The following SLC13A3 variants were observed in gnomAD, a reference collection of about 807,000 sequenced individuals.
SLC13A3 encodes solute carrier family 13 member 3, also known as Na(+)/dicarboxylate cotransporter 3.
A neutral mutation model predicts 59.0 loss-of-function variants in SLC13A3; 40 were observed. That is an observed-to-expected ratio of 0.68 (90% confidence interval 0.53 to 0.88). The LOEUF is 0.88. Ranked by LOEUF, SLC13A3 falls within the 40% of genes least tolerant of loss-of-function variation. SLC13A3 has a pLI of 0.00. For missense variants in SLC13A3, 699 were observed against 783.2 expected, an observed-to-expected ratio of 0.89 and a Z score of 1.28; for synonymous variants, 317 against 330.3, an observed-to-expected ratio of 0.96 and a Z score of 0.44.
At chr20:46,591,560 C>T (rs138271344) in intron 6 of SLC13A3, among the ~76,000 whole-genome samples, 8 of 152,258 alleles carry the variant, frequency 5.3e-5, no homozygotes, top group East Asian at 3.9e-4. Context: ...GCTCTTTCTT[C>T]GTTTAGAGGT....
intron 4 of SLC13A3, among the ~76,000 whole-genome samples, chr20:46,597,060 A>T (rs1302407241): frequency 1.3e-5 from 2 of 152,160 alleles, no homozygotes; most frequent in African/African-American, 2.4e-5. Context: ...CTCTAAAAAA[A>T]ATTAATAAGT....
chr20:46,597,625 C>T (rs959006544), intron 4 of SLC13A3, among the ~76,000 whole-genome samples: 1 of 152,078 alleles, frequency 6.6e-6, no homozygotes, highest in Non-Finnish European at 1.5e-5. Context: ...TTAGTAGAGA[C>T]AGGGTTTCAC....
chr20:46,584,043 T>C, intron 8 of SLC13A3: 1 of 985,364 alleles, frequency 1.0e-6, no homozygotes, highest in Non-Finnish European at 1.2e-6. Flanking sequence ...GTTCAGCTTG[T>C]GCTTGAATCC....
chr20:46,559,826 T>G lies in SLC13A3; in HGVS notation c.*196A>C. On this transcript the variant is annotated 3_prime_UTR_variant, in exon 13 of 13. Coordinates refer to ENST00000279027, the MANE Select transcript of SLC13A3 (RefSeq NM_022829.6). Reference sequence around the variant, plus strand: ...AGCAGATCTGAGAGATACCTGGGCTTTGAACTGCATGAAAGAGAGAGAAAG... The same window carrying G: ...AGCAGATCTGAGAGATACCTGGGCTGTGAACTGCATGAAAGAGAGAGAAAG... 1 of 565,142 alleles carries G rather than the reference T, an allele frequency of 1.8e-6. No homozygotes were observed. 35.0% of individuals were successfully genotyped at this position (565,142 alleles called of 1,614,324 possible). A position where few individuals can be genotyped will look rare whatever the true frequency, so the allele number is the denominator to read the frequency against.
chr20:46,683,258 G>A (rs904471548), intron 1 of SLC13A3, among the ~76,000 whole-genome samples: 4 of 152,168 alleles, frequency 2.6e-5, no homozygotes, highest in African/African-American at 9.7e-5. Flanking sequence ...TTCTAACAAA[G>A]AGCAGCCTGA....
intron 10 of SLC13A3, among the ~76,000 whole-genome samples, chr20:46,574,719 C>T (rs2062057962): frequency 6.6e-6 from 1 of 152,122 alleles, no homozygotes; most frequent in South Asian, 2.1e-4. Flanking sequence ...AGGTAAGGTA[C>T]TGTATCTCTC....
At chr20:46,589,319 C>T (rs183298805) in intron 6 of SLC13A3, 64 bp from the exon 7 acceptor site, 2 of 1,364,278 alleles carry the variant, frequency 1.5e-6, no homozygotes, top group African/African-American at 1.4e-5. Context: ...TCACCTACAA[C>T]AAGCACCACC....
Position 46,613,504 on chromosome 20 carries a change from T to TCGC in SLC13A3, c.330_332dup (p.Arg111dup). ...CAAGCATCAGGATCTTGAGGGCGAT[T>TCGC]CGCCGGTGCAGGTTCCACTCCTCAA... On this transcript the variant is annotated inframe_insertion, in exon 2 of 13. Coordinates refer to ENST00000279027, the MANE Select transcript of SLC13A3 (RefSeq NM_022829.6). The TCGC allele has an allele frequency of 6.2e-7, 1 of 1,610,726 alleles. No homozygotes were observed.
At chr20:46,637,258 G>A (rs1445882806) in intron 1 of SLC13A3, among the ~76,000 whole-genome samples, 1 of 150,062 alleles carries the variant, frequency 6.7e-6, no homozygotes, top group Non-Finnish European at 1.5e-5. Context: ...GGCCCGGCCT[G>A]TTTCCAAGCC....
intron 3 of SLC13A3, among the ~76,000 whole-genome samples, chr20:46,607,321 T>C (rs2062445653): frequency 1.3e-5 from 2 of 152,180 alleles, no homozygotes; most frequent in Non-Finnish European, 2.9e-5. Flanking sequence ...CATGAACCTA[T>C]AGCTCCTAGG....
intron 8 of SLC13A3, chr20:46,583,940 A>T (rs2062165425): frequency 1.0e-6 from 1 of 985,384 alleles, no homozygotes; most frequent in Non-Finnish European, 1.2e-6. Flanking sequence ...GGACTTGACC[A>T]AAGAGGGGAG....
chr20:46,682,118 G>C (rs571616678), intron 1 of SLC13A3: 1 of 152,328 alleles, frequency 6.6e-6, no homozygotes, highest in Non-Finnish European at 1.5e-5. Context: ...GGACTAGGGT[G>C]AAGCAAGTGA....
chr20:46,597,665 C>T (rs185515316), intron 4 of SLC13A3, among the ~76,000 whole-genome samples: 1 of 152,122 alleles, frequency 6.6e-6, no homozygotes, highest in Admixed American at 6.6e-5. Context: ...TCGAACTCCT[C>T]ACCTCAGGTA....
chr20:46,636,691 T>C (rs1206817291), intron 1 of SLC13A3, among the ~76,000 whole-genome samples: 2 of 152,220 alleles, frequency 1.3e-5, no homozygotes, highest in Non-Finnish European at 2.9e-5. Context: ...GGCTTTCACC[T>C]GCAGGGAAGT....
intron 1 of SLC13A3, among the ~76,000 whole-genome samples, chr20:46,615,611 G>T (rs2062547012): frequency 6.6e-6 from 1 of 152,228 alleles, no homozygotes; most frequent in Non-Finnish European, 1.5e-5. Context: ...GTGAGGCAAA[G>T]AGAGAAACCA....
At chr20:46,639,838 T>A (rs1213537023) in intron 1 of SLC13A3, among the ~76,000 whole-genome samples, 1 of 152,130 alleles carries the variant, frequency 6.6e-6, no homozygotes, top group Non-Finnish European at 1.5e-5. Context: ...AACTTCCTCA[T>A]CTGTAAAATG....
chr20:46,609,295 G>A lies in SLC13A3; in HGVS notation c.541+1151C>T, dbSNP rs77266405. Among the ~76,000 whole-genome samples, 473 of 152,212 alleles carry A rather than the reference G, an allele frequency of 3.1e-3. 1 individual carries two copies. Among genetic ancestry groups the A allele is most frequent in the African/African-American group, 0.011 (446 of 41,534 alleles). ...GATCCTGGACTTCTTTAACTTCACTGTGTAATTTGGGAAAATCATTTCCCT... is the reference window on the plus strand; with the variant it reads ...GATCCTGGACTTCTTTAACTTCACTATGTAATTTGGGAAAATCATTTCCCT... On this transcript the variant is annotated intron_variant, in intron 3 of 12. Coordinates refer to ENST00000279027, the MANE Select transcript of SLC13A3 (RefSeq NM_022829.6).
In SLC13A3 at chr20:46,613,735, GA is replaced by G; in HGVS notation, c.112-11del. The G allele has an allele frequency of 6.3e-7, 1 of 1,588,792 alleles. No homozygotes were observed. The highest frequency in any genetic ancestry group is 2.3e-5 in the East Asian group (1 of 43,402). The stretch of plus-strand genomic sequence containing the variant: ...ACAAGCAGCGGCCTTCCTGCAGGAG[GA>G]GATGCATGCTCAGAGGGTCAGCGGG... On this transcript the variant is annotated splice_polypyrimidine_tract_variant and intron_variant, in intron 1 of 12. Transcript: ENST00000279027.
intron 1 of SLC13A3, among the ~76,000 whole-genome samples, chr20:46,644,104 G>C (rs1227622384): frequency 6.6e-6 from 1 of 152,192 alleles, no homozygotes; most frequent in African/African-American, 2.4e-5. Context: ...ACTCCCTGGA[G>C]AGGGGGATGG....
Sources: allele counts gnomAD v4.1 joint callset (sites outside exome capture counted in the v4.1 genomes callset), GRCh38; gene constraint gnomAD v4.1.1; transcripts MANE v1.5; gene names NCBI Gene and HGNC (gene_info 2026-07-23, HGNC 2026-07-21).